Variants in EPAS1 observed in about 807,000 individuals in gnomAD.
EPAS1 encodes the protein endothelial PAS domain-containing protein 1.
EPAS1 carries 23 observed loss-of-function variants against 87.9 expected under a neutral mutation model. The observed-to-expected ratio is 0.26, with a 90% CI of 0.19 to 0.37. The LOEUF (loss-of-function observed/expected upper bound fraction) is 0.37. Ranked by LOEUF, EPAS1 falls within the 10% of genes least tolerant of loss-of-function variation. EPAS1 has a pLI of 1.00. For missense variants in EPAS1, 1,138 were observed against 1,120.7 expected, an observed-to-expected ratio of 1.02 and a Z score of -0.22; for synonymous variants, 508 against 444.3, an observed-to-expected ratio of 1.14 and a Z score of -1.80.
intron 2 of EPAS1, among the ~76,000 whole-genome samples, chr2:46,351,592 G>A (rs985774472): frequency 2.0e-5 from 3 of 152,176 alleles, no homozygotes; most frequent in Non-Finnish European, 2.9e-5. Context: ...CCAGGCTGTG[G>A]GTCAGGTGGA....
chr2:46,315,050 C>A (rs539959581), intron 1 of EPAS1, among the ~76,000 whole-genome samples: 1 of 152,362 alleles, frequency 6.6e-6, no homozygotes, highest in South Asian at 2.1e-4. Context: ...TCAGTTTCCA[C>A]TTCTGTTAGA....
chr2:46,339,933 C>A (rs1683876544), intron 1 of EPAS1, among the ~76,000 whole-genome samples: 1 of 152,174 alleles, frequency 6.6e-6, no homozygotes, highest in Non-Finnish European at 1.5e-5. Context: ...AATCACCTCC[C>A]AACGGTTCCA....
Position 46,382,087 on chromosome 2 carries a change from A to T in EPAS1, c.2285A>T (p.Asn762Ile). Residue 762 changes from asparagine to isoleucine, a missense_variant and splice_region_variant, in exon 14 of 16, where the codon AAT becomes ATT. Transcript: ENST00000263734. Reference sequence around the variant, plus strand: ...AAGCCACTGAGCGCAAATGTACCCAATGGTGAGCAGCGGCCACAGGCCTGG... The same window carrying T: ...AAGCCACTGAGCGCAAATGTACCCATTGGTGAGCAGCGGCCACAGGCCTGG... Reference protein sequence around the residue: ...PDKPLSANVPNDKFTQNPMRG... With the variant: ...PDKPLSANVPIDKFTQNPMRG... The T allele has an allele frequency of 2.5e-6, 4 of 1,613,490 alleles. No homozygotes were observed. The East Asian group carries it at 8.9e-5, about 36-fold the overall frequency.
At chr2:46,343,605 TAAG>T (rs1350157093) in intron 1 of EPAS1, among the ~76,000 whole-genome samples, 4 of 152,260 alleles carry the variant, frequency 2.6e-5, no homozygotes, top group Non-Finnish European at 5.9e-5. Context: ...TAACACATGT[TAAG>T]AAGAAGTGCT....
chr2:46,365,359 A>G (rs1323829075), intron 6 of EPAS1, among the ~76,000 whole-genome samples: 2 of 152,250 alleles, frequency 1.3e-5, no homozygotes, highest in African/African-American at 4.8e-5. Context: ...GGAACATAGG[A>G]CATATTAATA....
At chr2:46,381,813 C>T (rs933525963) in intron 13 of EPAS1, 91 bp downstream of exon 13, 6 of 1,582,922 alleles carry the variant, frequency 3.8e-6, no homozygotes, top group Non-Finnish European at 5.2e-6. Flanking sequence ...CCCTTCCAAG[C>T]CAGCATAGCC....
At chr2:46,307,905 C>G (rs1174973816) in intron 1 of EPAS1, among the ~76,000 whole-genome samples, 1 of 152,104 alleles carries the variant, frequency 6.6e-6, no homozygotes, top group Non-Finnish European at 1.5e-5. Context: ...TTGGGTTTCT[C>G]TTAGGGATCT....
intron 1 of EPAS1, among the ~76,000 whole-genome samples, chr2:46,315,685 C>T (rs954429325): frequency 6.6e-6 from 1 of 152,238 alleles, no homozygotes; most frequent in Non-Finnish European, 1.5e-5. Context: ...GGCCCCAGTG[C>T]AGGAGCAGCT....
intron 1 of EPAS1, among the ~76,000 whole-genome samples, chr2:46,341,506 T>G (rs974944565): frequency 1.3e-4 from 20 of 152,244 alleles, no homozygotes; most frequent in African/African-American, 4.1e-4. Flanking sequence ...TGGCATCTAT[T>G]TCACATGTCT....
At chr2:46,378,915 G>T in intron 11 of EPAS1, 148 bp downstream of exon 11, 2 of 756,846 alleles carry the variant, frequency 2.6e-6, no homozygotes, top group South Asian at 1.5e-5. Context: ...AGAGGTAGGG[G>T]TACAGGGTAA....
At chr2:46,322,769 A>G (rs1225803118) in intron 1 of EPAS1, among the ~76,000 whole-genome samples, 2 of 152,154 alleles carry the variant, frequency 1.3e-5, no homozygotes, top group Non-Finnish European at 2.9e-5. Flanking sequence ...TGTTTCCATT[A>G]TATCAGGGAT....
In EPAS1 at chr2:46,346,908, A is replaced by C; in HGVS notation, c.62A>C (p.Asp21Ala). The change falls in exon 2 of 16, where the codon GAT becomes GCT. Residue 21 changes from aspartate (D) to alanine (A), a missense_variant. Transcript: ENST00000263734. The surrounding 1 kb of genome is among the most constrained non-coding windows in gnomAD (Gnocchi z 4.0). ...SSERRKEKSR[D>A]AARCRRSKET... ...GAGAGGAGGAAGGAGAAGTCCCGGGATGCTGCGCGGTGCCGGCGGAGCAAG... is the reference window on the plus strand; with the variant it reads ...GAGAGGAGGAAGGAGAAGTCCCGGGCTGCTGCGCGGTGCCGGCGGAGCAAG... The C allele has an allele frequency of 6.2e-7, 1 of 1,614,206 alleles. No individual in the cohort carries two copies. Among genetic ancestry groups the C allele is most frequent in the Non-Finnish European group, 8.5e-7 (1 of 1,180,030 alleles).
chr2:46,304,987 G>T (rs893461186), intron 1 of EPAS1, among the ~76,000 whole-genome samples: 1 of 152,212 alleles, frequency 6.6e-6, no homozygotes, highest in African/African-American at 2.4e-5. Context: ...TGTGAACCTA[G>T]AGGGTACCTT....
intron 2 of EPAS1, among the ~76,000 whole-genome samples, chr2:46,354,585 G>A (rs980787021): frequency 4.7e-5 from 7 of 150,494 alleles, no homozygotes; most frequent in African/African-American, 1.7e-4. Context: ...TCAAAGTGTG[G>A]GTGGTTCCGG....
At chr2:46,353,657 A>T (rs1684214039) in intron 2 of EPAS1, among the ~76,000 whole-genome samples, 1 of 152,240 alleles carries the variant, frequency 6.6e-6, no homozygotes, top group Non-Finnish European at 1.5e-5. Context: ...TAACATTCAC[A>T]GTGGCATCGC....
At position 46,380,062 on chromosome 2, in the gene EPAS1, C is replaced by G. The variant is rs773009300; in HGVS notation, c.1555-165C>G. On this transcript the variant is annotated intron_variant, in intron 11 of 15. Transcript: ENST00000263734. The surrounding 1 kb of genome is among the most constrained non-coding windows in gnomAD (Gnocchi z 4.4). ...TACAAGGTCGTGTACATGACACAGC[C>G]AAGTCTGAGGTTTTCCTGATAGGCC... The G allele has an allele frequency of 9.2e-7, 1 of 1,092,738 alleles. No homozygotes were observed. Among genetic ancestry groups the G allele is most frequent in the Non-Finnish European group, 1.4e-6 (1 of 723,808 alleles). The allele number at this position is 1,092,738 out of a possible 1,614,324, so 67.7% of individuals were successfully genotyped here. A position where few individuals can be genotyped will look rare whatever the true frequency, so the allele number is the denominator to read the frequency against.
At chr2:46,378,513 A>T in intron 10 of EPAS1, 144 bp from the exon 11 acceptor site, 1 of 731,888 alleles carries the variant, frequency 1.4e-6, no homozygotes, top group Non-Finnish European at 2.4e-6. Flanking sequence ...ACAGCTTGTT[A>T]ATTAGCAGCC....
chr2:46,303,608 T>G (rs1283595305), intron 1 of EPAS1, among the ~76,000 whole-genome samples: 2 of 152,180 alleles, frequency 1.3e-5, no homozygotes, highest in Non-Finnish European at 1.5e-5. Context: ...AGAGGGAGCT[T>G]CTTAACCAGG....
chr2:46,335,687 T>G (rs1683776697), intron 1 of EPAS1: 3 of 152,046 alleles, frequency 2.0e-5, no homozygotes, highest in African/African-American at 7.3e-5. Context: ...GAACGACTTC[T>G]ACTCCGAAGC....
Sources: allele counts gnomAD v4.1 joint callset (sites outside exome capture counted in the v4.1 genomes callset), GRCh38; gene constraint gnomAD v4.1.1; non-coding constraint Gnocchi (gnomAD v3.1); transcripts MANE v1.5; gene names NCBI Gene and HGNC (gene_info 2026-07-23, HGNC 2026-07-21).